The following SETX variants were observed in gnomAD, a reference collection of about 807,000 sequenced individuals.
SETX encodes the protein senataxin, also known as helicase senataxin.
In SETX, 90 loss-of-function variants were observed where a neutral mutation model predicts 227.2. The ratio of observed to expected loss-of-function variants is 0.40; its 90% CI spans 0.33 to 0.47. SETX has a LOEUF of 0.47. SETX is among the 20% of genes least tolerant of loss of function. The pLI is 0.91. For synonymous variants in SETX, 1,210 were observed against 1,113.2 expected, an observed-to-expected ratio of 1.09 and a Z score of -1.73; for missense variants, 3,052 against 3,181.5, an observed-to-expected ratio of 0.96 and a Z score of 0.98.
intron 4 of SETX, among the ~76,000 whole-genome samples, chr9:132,344,829 C>T (rs1055096522): frequency 2.0e-5 from 3 of 147,338 alleles, no homozygotes; most frequent in Non-Finnish European, 4.4e-5. Context: ...GAGCCAAGAT[C>T]CTGCCACTGC....
intron 10 of SETX, among the ~76,000 whole-genome samples, chr9:132,317,632 C>CT (rs528921561): frequency 1.0e-3 from 147 of 144,954 alleles, no homozygotes; most frequent in South Asian, 2.2e-3. Context: ...TATCATTTTC[C>CT]TTTTTTTTTT....
Position 132,295,818 on chromosome 9 carries a change from C to T in SETX, c.6106+54G>A, listed in dbSNP as rs1423243780. The T allele has an allele frequency of 7.1e-6, 11 of 1,551,788 alleles. No individual in the cohort carries two copies. The East Asian group carries it at 2.3e-4, about 33-fold the overall frequency. On this transcript the variant is annotated intron_variant, in intron 15 of 25. Transcript: ENST00000224140. ...TCTTTCCTTTGTCATTCAAAGTTGC[C>T]TACACTTAACACTGAAAACAAAAAC... is the stretch of plus-strand genomic sequence containing the variant.
At position 132,287,171 on chromosome 9, in the gene SETX, A is replaced by G. The variant is rs1843954098; in HGVS notation, c.6325-677T>C. Among the ~76,000 whole-genome samples the G allele has an allele frequency of 3.3e-5, 5 of 152,362 alleles. No individual in the cohort carries two copies. In the South Asian group the frequency reaches 1.0e-3, roughly 32 times the overall value. On this transcript the variant is annotated intron_variant, in intron 17 of 25. Transcript: ENST00000224140. Reference sequence around the variant, plus strand: ...CTAATAAACTCAGTATAGCTTTAATATAAGGCAGTACAGCCTATAAGCCAA... The same window carrying G: ...CTAATAAACTCAGTATAGCTTTAATGTAAGGCAGTACAGCCTATAAGCCAA...
intron 15 of SETX, among the ~76,000 whole-genome samples, chr9:132,294,270 C>A (rs1490627302): frequency 6.6e-6 from 1 of 152,146 alleles, no homozygotes; most frequent in Non-Finnish European, 1.5e-5. Flanking sequence ...AACTCTTGAA[C>A]CCCCACATTT....
chr9:132,284,779 G>C (rs1052176932), intron 18 of SETX, among the ~76,000 whole-genome samples: 2 of 151,824 alleles, frequency 1.3e-5, no homozygotes, highest in Non-Finnish European at 2.9e-5. Flanking sequence ...TTCTATCCAG[G>C]TTGGAGCTCT....
chr9:132,332,249 T>C (rs943490500), intron 7 of SETX, among the ~76,000 whole-genome samples: 2 of 152,206 alleles, frequency 1.3e-5, no homozygotes, highest in Admixed American at 6.5e-5. Context: ...ACAGCACAAA[T>C]AGATCACTGG....
rs759945253 is a variant in SETX, at chr9:132,327,785, T to C, written c.3813A>G (p.Pro1271=). The C allele has an allele frequency of 1.9e-6, 3 of 1,614,088 alleles. No homozygotes were observed. The highest frequency in any genetic ancestry group is 2.5e-6 in the Non-Finnish European group (3 of 1,180,044). Residue 1271 remains proline (P), a synonymous_variant, in exon 10 of 26, where the codon CCA becomes CCG. Transcript: ENST00000224140. ...GCTCAGGACACTGACGAAATTTCTT[T>C]GGCGGCACTATAGCAGGAGTTGTTC... ...SCRTTPAIVP[P]KKFRQCPEPT...
At chr9:132,269,119 T>C (rs958784680) in intron 25 of SETX, among the ~76,000 whole-genome samples, 10 of 152,256 alleles carry the variant, frequency 6.6e-5, no homozygotes, top group African/African-American at 2.4e-4. Context: ...AGTTGGAAAC[T>C]CGTACACCTC....
intron 22 of SETX, among the ~76,000 whole-genome samples, chr9:132,276,228 A>G (rs1843154986): frequency 6.6e-6 from 1 of 152,140 alleles, no homozygotes; most frequent in Non-Finnish European, 1.5e-5. Context: ...TCCATCCCTG[A>G]AATCCTCATG....
chr9:132,282,092 A>T (rs1206208894), intron 19 of SETX, among the ~76,000 whole-genome samples: 1 of 151,130 alleles, frequency 6.6e-6, no homozygotes, highest in African/African-American at 2.4e-5. Flanking sequence ...AACTCTCCAA[A>T]CATGTCTAAA....
chr9:132,343,730 C>T (rs1165003656), intron 4 of SETX, among the ~76,000 whole-genome samples: 2 of 152,118 alleles, frequency 1.3e-5, no homozygotes, highest in African/African-American at 2.4e-5. Flanking sequence ...GATTTTTGAT[C>T]TGGATGCTGG....
intron 6 of SETX, among the ~76,000 whole-genome samples, chr9:132,335,969 C>A (rs779264033): frequency 6.6e-6 from 1 of 152,154 alleles, no homozygotes; most frequent in Non-Finnish European, 1.5e-5. Flanking sequence ...GGGCCGGGCG[C>A]GGTAGCTCAC....
At chr9:132,282,307 T>G (rs1324501060) in intron 19 of SETX, among the ~76,000 whole-genome samples, 1 of 151,022 alleles carries the variant, frequency 6.6e-6, no homozygotes, top group Non-Finnish European at 1.5e-5. Flanking sequence ...TTATTTTTTT[T>G]TTTTTTGAGA....
chr9:132,268,236 C>T (rs1010556007), intron 25 of SETX, among the ~76,000 whole-genome samples: 1 of 152,250 alleles, frequency 6.6e-6, no homozygotes, highest in African/African-American at 2.4e-5. Context: ...ATGCACCCTT[C>T]ACATGGGTTC....
At chr9:132,346,982 C>G (rs956354182) in intron 3 of SETX, among the ~76,000 whole-genome samples, 4 of 152,012 alleles carry the variant, frequency 2.6e-5, no homozygotes, top group African/African-American at 9.7e-5. Context: ...AGGCCAGGCA[C>G]ACTGGCTCCT....
intron 15 of SETX, among the ~76,000 whole-genome samples, chr9:132,294,313 T>A (rs1177790355): frequency 6.6e-6 from 1 of 152,228 alleles, no homozygotes; most frequent in African/African-American, 2.4e-5. Flanking sequence ...TAGATACCCA[T>A]GTTTTAATAA....
intron 10 of SETX, among the ~76,000 whole-genome samples, chr9:132,322,048 C>T (rs903545761): frequency 6.6e-6 from 1 of 152,106 alleles, no homozygotes; most frequent in African/African-American, 2.4e-5. Context: ...GAAACTAATG[C>T]TGGGTTTTAC....
At chr9:132,283,475 T>C (rs561071710) in intron 18 of SETX, 62 bp from the exon 19 acceptor site, 6 of 1,569,932 alleles carry the variant, frequency 3.8e-6, no homozygotes, top group Non-Finnish European at 4.4e-6. Flanking sequence ...ATGACAGGCC[T>C]ATGTTTACTA....
intron 7 of SETX, 111 bp downstream of exon 7, chr9:132,334,497 A>G: frequency 7.9e-7 from 1 of 1,264,320 alleles, no homozygotes; most frequent in Non-Finnish European, 1.1e-6. Flanking sequence ...TTACTAAACC[A>G]GAAAAATTCT....
Sources: allele counts gnomAD v4.1 joint callset (sites outside exome capture counted in the v4.1 genomes callset), GRCh38; gene constraint gnomAD v4.1.1; transcripts MANE v1.5; gene names NCBI Gene and HGNC (gene_info 2026-07-23, HGNC 2026-07-21).